PTPRM: variants seen among roughly 807,000 people sequenced by gnomAD.
PTPRM encodes the protein receptor-type tyrosine-protein phosphatase mu.
In PTPRM, 47 loss-of-function variants were observed where a neutral mutation model predicts 186.7. The ratio of observed to expected loss-of-function variants is 0.25; its 90% CI spans 0.20 to 0.32. PTPRM has a LOEUF of 0.32. Among genes scored for constraint, PTPRM ranks in the 10% least tolerant of loss-of-function variants. PTPRM has a pLI of 1.00. For missense variants in PTPRM, 1,494 were observed against 1,865.0 expected, an observed-to-expected ratio of 0.80 and a Z score of 3.66; for synonymous variants, 668 against 674.9, an observed-to-expected ratio of 0.99 and a Z score of 0.16.
At chr18:7,660,240 A>G (rs2038947739) in intron 1 of PTPRM, among the ~76,000 whole-genome samples, 1 of 151,968 alleles carries the variant, frequency 6.6e-6, no homozygotes, top group South Asian at 2.1e-4. Context: ...GGAGGCCAAG[A>G]CAGCAGAATC....
At chr18:8,256,538 C>T (rs577270365) in intron 19 of PTPRM, among the ~76,000 whole-genome samples, 3 of 152,122 alleles carry the variant, frequency 2.0e-5, no homozygotes, top group Non-Finnish European at 4.4e-5. Flanking sequence ...AAGTTGACAC[C>T]ATGTTCTTTA....
intron 2 of PTPRM, among the ~76,000 whole-genome samples, chr18:7,884,941 A>G (rs1158142109): frequency 1.2e-4 from 18 of 150,352 alleles, no homozygotes; most frequent in Non-Finnish European, 2.7e-4. Flanking sequence ...AAAAAAAAAA[A>G]AAAAAAAAAA....
intron 11 of PTPRM, among the ~76,000 whole-genome samples, chr18:8,093,966 G>A (rs2090889860): frequency 6.6e-6 from 1 of 152,058 alleles, no homozygotes; most frequent in Admixed American, 6.6e-5. Flanking sequence ...TGATTTACAT[G>A]CCATTTTATA....
intron 2 of PTPRM, among the ~76,000 whole-genome samples, chr18:7,787,356 C>T (rs146391776): frequency 6.6e-6 from 1 of 152,162 alleles, no homozygotes; most frequent in Non-Finnish European, 1.5e-5. Context: ...TGGTTGTCAG[C>T]GTTGTTGAAT....
chr18:8,068,951 C>A (rs369674430), intron 7 of PTPRM, among the ~76,000 whole-genome samples: 22 of 151,536 alleles, frequency 1.5e-4, no homozygotes, highest in African/African-American at 2.4e-4. Flanking sequence ...TACACACACA[C>A]ACAAAAAAAT....
intron 7 of PTPRM, among the ~76,000 whole-genome samples, chr18:8,038,414 C>T (rs2086477142): frequency 3.1e-5 from 4 of 129,344 alleles, no homozygotes; most frequent in Non-Finnish European, 6.3e-5. Context: ...TTATTTGAGA[C>T]AGAGTCTCAC....
chr18:8,238,705 T>C (rs1337405494), intron 14 of PTPRM, among the ~76,000 whole-genome samples: 1 of 140,608 alleles, frequency 7.1e-6, no homozygotes, highest in Non-Finnish European at 1.5e-5. Flanking sequence ...ACATGGTGTA[T>C]TGAGTAACAG....
chr18:8,289,760 C>T (rs2095021586), intron 19 of PTPRM, among the ~76,000 whole-genome samples: 1 of 151,600 alleles, frequency 6.6e-6, no homozygotes, highest in Admixed American at 6.6e-5. Flanking sequence ...TCCTGCAAAA[C>T]AGAAAAATTC....
At chr18:7,892,920 C>T (rs1256304734) in intron 3 of PTPRM, among the ~76,000 whole-genome samples, 2 of 152,152 alleles carry the variant, frequency 1.3e-5, no homozygotes, top group African/African-American at 4.8e-5. Flanking sequence ...CTCGTCACCC[C>T]ATCGCCTCCC....
At chr18:7,793,200 G>A (rs1474744899) in intron 2 of PTPRM, among the ~76,000 whole-genome samples, 1 of 152,110 alleles carries the variant, frequency 6.6e-6, no homozygotes, top group Non-Finnish European at 1.5e-5. Context: ...ATGCCCAATA[G>A]GAAGGCAGCT....
intron 1 of PTPRM, among the ~76,000 whole-genome samples, chr18:7,762,263 T>C (rs760172609): frequency 1.3e-5 from 2 of 151,892 alleles, no homozygotes; most frequent in Non-Finnish European, 2.9e-5. Context: ...AACAGGTACC[T>C]GGGAGAGGTG....
At chr18:8,317,783 A>G (rs967279357) in intron 21 of PTPRM, among the ~76,000 whole-genome samples, 3 of 152,198 alleles carry the variant, frequency 2.0e-5, no homozygotes, top group Non-Finnish European at 2.9e-5. Flanking sequence ...ATGTTCAGCA[A>G]TACAGGCCAC....
intron 2 of PTPRM, among the ~76,000 whole-genome samples, chr18:7,874,757 C>G (rs1219321931): frequency 1.3e-5 from 2 of 152,220 alleles, no homozygotes; most frequent in Non-Finnish European, 2.9e-5. Context: ...GTGTATAAAT[C>G]TGTTTCTAGA....
chr18:7,709,379 T>C (rs1206263159), intron 1 of PTPRM, among the ~76,000 whole-genome samples: 1 of 151,618 alleles, frequency 6.6e-6, no homozygotes, highest in Non-Finnish European at 1.5e-5. Context: ...TGACACAACT[T>C]ATCAAAACCT....
chr18:7,567,784 G>T lies in PTPRM; in HGVS notation c.-35G>T. The T allele has an allele frequency of 6.6e-7, 1 of 1,507,510 alleles. No individual in the cohort carries two copies. The allele number at this position is 1,507,510 out of a possible 1,614,324, so 93.4% of individuals were successfully genotyped here. On this transcript the variant is annotated 5_prime_UTR_variant, in exon 1 of 33. Transcript: ENST00000580170. This position sits in a 1 kb window ranked among gnomAD's most constrained non-coding sequence, Gnocchi z 4.3. ...CTCCGCCCTCGCGCGCCCACCCACC[G>T]CCGCCGGGGAGCGGCCCGGCCCGCA...
In PTPRM at chr18:8,343,641, GCTC is replaced by G; in HGVS notation, c.3054+127_3054+129del. On this transcript the variant is annotated intron_variant, in intron 23 of 32. Coordinates refer to ENST00000580170, the MANE Select transcript of PTPRM (RefSeq NM_001105244.2). ...ACTCCCCAAAACATTAACTACTCCA[GCTC>G]CTCCTATTGCTTGCTGCACTTGCTT... The G allele has an allele frequency of 4.2e-6, 3 of 722,812 alleles. No homozygotes were observed. The East Asian group carries it at 8.5e-5, about 20-fold the overall frequency. 44.8% of individuals were successfully genotyped at this position (722,812 alleles called of 1,614,324 possible). A position where few individuals can be genotyped will look rare whatever the true frequency, so the allele number is the denominator to read the frequency against.
At chr18:7,774,328 C>G (rs1426484758) in intron 2 of PTPRM, 57 bp downstream of exon 2, 3 of 1,581,938 alleles carry the variant, frequency 1.9e-6, no homozygotes, top group Non-Finnish European at 2.6e-6. Context: ...CTCAATCATA[C>G]TATGTGTTCA....
chr18:8,392,354 G>A (rs1369502416), intron 31 of PTPRM, among the ~76,000 whole-genome samples: 1 of 152,148 alleles, frequency 6.6e-6, no homozygotes, highest in African/African-American at 2.4e-5. Context: ...GCCGGGCGCG[G>A]TGGCTCACAC....
At chr18:8,290,908 G>A (rs2095035553) in intron 19 of PTPRM, among the ~76,000 whole-genome samples, 1 of 152,142 alleles carries the variant, frequency 6.6e-6, no homozygotes, top group Non-Finnish European at 1.5e-5. Context: ...ATAATAGGAA[G>A]TTCATAGTTG....
Sources: gnomAD v4.1 joint callset for allele counts (sites outside exome capture counted in the v4.1 genomes callset) on GRCh38, gnomAD v4.1.1 for gene constraint, Gnocchi (gnomAD v3.1) non-coding constraint, MANE v1.5 for transcripts, NCBI Gene and HGNC (gene_info 2026-07-23, HGNC 2026-07-21) for gene names.